The following IFTAP variants were observed in gnomAD, a reference collection of about 807,000 sequenced individuals.
The protein encoded by IFTAP is intraflagellar transport associated protein, also known as intraflagellar transport-associated protein.
IFTAP carries 19 observed loss-of-function variants against 19.4 expected under a neutral mutation model. The ratio of observed to expected loss-of-function variants is 0.98; its 90% CI spans 0.68 to 1.44. The LOEUF is 1.44. Among genes scored for constraint, IFTAP ranks in the 40% most tolerant of loss-of-function variants. IFTAP has a pLI of 0.00. For missense variants in IFTAP, 240 were observed against 253.6 expected, an observed-to-expected ratio of 0.95 and a Z score of 0.36; for synonymous variants, 85 against 83.5, an observed-to-expected ratio of 1.02 and a Z score of -0.10.
intron 4 of IFTAP, among the ~76,000 whole-genome samples, chr11:36,645,602 A>G (rs1590231134): frequency 6.6e-6 from 1 of 152,114 alleles, no homozygotes; most frequent in East Asian, 1.9e-4. Flanking sequence ...GAGTATATAT[A>G]TATAACCCAC....
At position 36,648,185 on chromosome 11, in the gene IFTAP, A is replaced by G. The variant is rs553228352; in HGVS notation, c.498+30A>G. On this transcript the variant is annotated intron_variant, in intron 5 of 5. Coordinates refer to ENST00000334307, the MANE Select transcript of IFTAP (RefSeq NM_138787.4). ...TCCACAGGGAATTCAGTCATTCTCC[A>G]CACTGCCTTGATTTTGTAATTCATC... 1.2e-5 allele frequency: 19 copies of G among 1,603,224 alleles called. No individual in the cohort carries two copies. In the South Asian group the frequency reaches 2.1e-4, roughly 18 times the overall value.
At chr11:36,624,927 T>C (rs746934611) in intron 2 of IFTAP, among the ~76,000 whole-genome samples, 1 of 152,190 alleles carries the variant, frequency 6.6e-6, no homozygotes, top group Non-Finnish European at 1.5e-5. Context: ...GTTGTTACTT[T>C]AGGTGTCTTT....
chr11:36,643,229 A>T (rs1380321919), intron 4 of IFTAP, among the ~76,000 whole-genome samples: 1 of 152,238 alleles, frequency 6.6e-6, no homozygotes, highest in Admixed American at 6.5e-5. Context: ...CCAAATCAAG[A>T]GTGAACTCCC....
intron 4 of IFTAP, among the ~76,000 whole-genome samples, chr11:36,647,540 A>T (rs1853537095): frequency 6.6e-6 from 1 of 152,146 alleles, no homozygotes; most frequent in South Asian, 2.1e-4. Context: ...TTTTCTGCTG[A>T]AAGTTAAAGT....
intron 5 of IFTAP, among the ~76,000 whole-genome samples, chr11:36,653,708 A>G (rs568311374): frequency 6.6e-5 from 10 of 152,328 alleles, no homozygotes; most frequent in African/African-American, 2.4e-4. Flanking sequence ...ACCTGGGCTC[A>G]CTTTGAATTA....
chr11:36,604,833 A>G (rs369338242), intron 1 of IFTAP, among the ~76,000 whole-genome samples: 1 of 152,132 alleles, frequency 6.6e-6, no homozygotes, highest in East Asian at 1.9e-4. Flanking sequence ...CTATGATTGG[A>G]CTAGATAACC....
At chr11:36,642,586 A>C (rs1288832547) in intron 4 of IFTAP, among the ~76,000 whole-genome samples, 6 of 152,186 alleles carry the variant, frequency 3.9e-5, no homozygotes, top group African/African-American at 1.4e-4. Flanking sequence ...ATCCCTCATG[A>C]ACATCGATGC....
At chr11:36,598,202 A>T (rs1281154427) in intron 1 of IFTAP, 1 of 152,014 alleles carries the variant, frequency 6.6e-6, no homozygotes, top group Non-Finnish European at 1.5e-5. Flanking sequence ...GCCCACTATG[A>T]CTGTGGCAAG....
intron 1 of IFTAP, among the ~76,000 whole-genome samples, chr11:36,608,677 A>G (rs1851776326): frequency 6.6e-6 from 1 of 152,218 alleles, no homozygotes; most frequent in South Asian, 2.1e-4. Context: ...TGGAATGGCC[A>G]CTACCAGTGT....
chr11:36,619,323 G>A (rs545557097), intron 2 of IFTAP, among the ~76,000 whole-genome samples: 58 of 152,082 alleles, frequency 3.8e-4, no homozygotes, highest in Non-Finnish European at 7.2e-4. Flanking sequence ...CGAAGTTGAC[G>A]TATCATCTTG....
chr11:36,644,141 C>A (rs1304091056), intron 4 of IFTAP, among the ~76,000 whole-genome samples: 1 of 152,128 alleles, frequency 6.6e-6, no homozygotes, highest in Non-Finnish European at 1.5e-5. Context: ...ATAACTCAAA[C>A]AAGTTTACAA....
chr11:36,618,440 C>A (rs896267406), intron 2 of IFTAP, among the ~76,000 whole-genome samples: 20 of 152,016 alleles, frequency 1.3e-4, no homozygotes, highest in Admixed American at 1.2e-3. Flanking sequence ...CCTCAAAATA[C>A]ACTTACCCTG....
chr11:36,636,191 C>T, intron 4 of IFTAP, 74 bp downstream of exon 4: 1 of 1,213,610 alleles, frequency 8.2e-7, no homozygotes, highest in South Asian at 1.3e-5. Context: ...AGACAGCTTT[C>T]CTGTTTTTGG....
At chr11:36,631,572 A>G (rs1020102288) in intron 2 of IFTAP, among the ~76,000 whole-genome samples, 3 of 151,224 alleles carry the variant, frequency 2.0e-5, no homozygotes, top group Non-Finnish European at 4.4e-5. Flanking sequence ...TTTTGATGCC[A>G]TGCACTGACA....
chr11:36,641,609 T>A (rs1853201884), intron 4 of IFTAP, among the ~76,000 whole-genome samples: 3 of 152,232 alleles, frequency 2.0e-5, no homozygotes, highest in Non-Finnish European at 4.4e-5. Context: ...AATCCTGAGT[T>A]CTAGTTTGAT....
chr11:36,644,670 T>TA, intron 4 of IFTAP, among the ~76,000 whole-genome samples: 1 of 151,978 alleles, frequency 6.6e-6, no homozygotes, highest in African/African-American at 2.4e-5. Context: ...TATGCAGCCA[T>TA]AAAAAAGGAT....
At chr11:36,599,360 G>T (rs1851416128) in intron 1 of IFTAP, among the ~76,000 whole-genome samples, 1 of 152,076 alleles carries the variant, frequency 6.6e-6, no homozygotes, top group African/African-American at 2.4e-5. Flanking sequence ...ACTATTGTTG[G>T]TCATTTGATC....
At chr11:36,595,010 C>G (rs1215895297) in intron 1 of IFTAP, 2 of 152,142 alleles carry the variant, frequency 1.3e-5, no homozygotes, top group East Asian at 3.9e-4. Flanking sequence ...CCCTAGAGTG[C>G]AGGGGAGACA....
intron 2 of IFTAP, among the ~76,000 whole-genome samples, chr11:36,624,071 T>TA (rs1449090829): frequency 1.3e-5 from 2 of 152,164 alleles, no homozygotes; most frequent in East Asian, 3.8e-4. Flanking sequence ...TGCATGTAGG[T>TA]ATTCTCCCTA....
Sources: allele counts gnomAD v4.1 joint callset (sites outside exome capture counted in the v4.1 genomes callset), GRCh38; gene constraint gnomAD v4.1.1; transcripts MANE v1.5; gene names NCBI Gene and HGNC (gene_info 2026-07-23, HGNC 2026-07-21).